CNTNAP5: variants seen among roughly 807,000 people sequenced by gnomAD.
CNTNAP5 encodes contactin associated protein family member 5.
Under a neutral mutation model 150.2 loss-of-function variants are expected in CNTNAP5, and 72 were observed. That is an observed-to-expected ratio of 0.48 (90% CI 0.40 to 0.58). The LOEUF is 0.58. Among genes scored for constraint, CNTNAP5 ranks in the 20% least tolerant of loss-of-function variants. CNTNAP5 has a pLI of 0.00. For synonymous variants in CNTNAP5, 672 were observed against 619.8 expected (o/e 1.08, Z -1.25); for missense variants, 1,636 against 1,626.2 (o/e 1.01, Z -0.10).
At chr2:124,754,022 A>G (rs1207080728) in intron 14 of CNTNAP5, among the ~76,000 whole-genome samples, 1 of 152,138 alleles carries the variant, frequency 6.6e-6, no homozygotes, top group Non-Finnish European at 1.5e-5. Context: ...TGAGATGCAG[A>G]ATGAGATGAT....
intron 11 of CNTNAP5, among the ~76,000 whole-genome samples, chr2:124,575,997 T>A (rs926102348): frequency 6.6e-6 from 1 of 152,190 alleles, no homozygotes; most frequent in African/African-American, 2.4e-5. Flanking sequence ...ATCCTGCTTT[T>A]TATTTAAAGA....
intron 4 of CNTNAP5, among the ~76,000 whole-genome samples, chr2:124,433,648 A>C (rs188140809): frequency 1.5e-3 from 221 of 152,226 alleles, no homozygotes; most frequent in African/African-American, 5.2e-3. Flanking sequence ...ACAGTCTTAC[A>C]TGTTTTTCTA....
chr2:124,504,618 C>G, intron 8 of CNTNAP5, 62 bp downstream of exon 8: 1 of 1,529,850 alleles, frequency 6.5e-7, no homozygotes, highest in Non-Finnish European at 8.9e-7. Flanking sequence ...AGGTTGAGGT[C>G]CTGACAAAAA....
rs563514156 is a variant in CNTNAP5 at position 124,299,657 on chromosome 2, G to A, written c.381+57264G>A. Among the ~76,000 whole-genome samples, 51 of 152,236 alleles carry A rather than the reference G, an allele frequency of 3.4e-4. No homozygotes were observed. In the Middle Eastern group the frequency reaches 0.014, roughly 41 times the overall value. On this transcript the variant is annotated intron_variant, in intron 3 of 23. Coordinates refer to ENST00000682447, the MANE Select transcript of CNTNAP5 (RefSeq NM_001367498.1). Reference sequence around the variant, plus strand: ...AGTGCTGCAATGAACATGTGCGTGCGTGTGTGTAGAAGCACTTGATTTCAA... The same window carrying A: ...AGTGCTGCAATGAACATGTGCGTGCATGTGTGTAGAAGCACTTGATTTCAA...
chr2:124,699,895 G>T (rs1679484519), intron 13 of CNTNAP5, among the ~76,000 whole-genome samples: 1 of 149,970 alleles, frequency 6.7e-6, no homozygotes, highest in Admixed American at 6.7e-5. Flanking sequence ...TAAAGTGTTT[G>T]TTTCAGTGGT....
chr2:124,264,868 G>A (rs771147737), intron 3 of CNTNAP5, among the ~76,000 whole-genome samples: 9 of 152,210 alleles, frequency 5.9e-5, no homozygotes, highest in Non-Finnish European at 1.0e-4. Flanking sequence ...TGTGAAGTGT[G>A]TGCATGGGCA....
chr2:124,236,157 G>T (rs1686741720), intron 2 of CNTNAP5, among the ~76,000 whole-genome samples: 1 of 151,958 alleles, frequency 6.6e-6, no homozygotes, highest in South Asian at 2.1e-4. Flanking sequence ...GTAGAGACGG[G>T]GTTTCACCAT....
At chr2:124,342,254 G>A (rs904728225) in intron 3 of CNTNAP5, among the ~76,000 whole-genome samples, 1 of 151,986 alleles carries the variant, frequency 6.6e-6, no homozygotes, top group Non-Finnish European at 1.5e-5. Context: ...CTCAAATTAG[G>A]CTTTTAAAAG....
chr2:124,114,475 T>C (rs527923265), intron 1 of CNTNAP5, among the ~76,000 whole-genome samples: 74 of 152,156 alleles, frequency 4.9e-4, no homozygotes, highest in Middle Eastern at 3.4e-3. Context: ...TTGACCTTGA[T>C]TCATCAGCCT....
At chr2:124,200,999 T>G (rs1026658785) in intron 1 of CNTNAP5, among the ~76,000 whole-genome samples, 1 of 152,226 alleles carries the variant, frequency 6.6e-6, no homozygotes, top group African/African-American at 2.4e-5. Flanking sequence ...GGGATCTGTT[T>G]CACCCTAAGG....
chr2:124,600,731 C>CAGAGAGAGAGAGAGAGAG (rs374118230), intron 11 of CNTNAP5, among the ~76,000 whole-genome samples: 162 of 124,072 alleles, frequency 1.3e-3, no homozygotes, highest in Non-Finnish European at 2.0e-3. Flanking sequence ...CAACAATACT[C>CAGAGAGAGAGAGAGAGAG]AGAGAGAGAG....
At chr2:124,440,766 C>T (rs1182501841) in intron 5 of CNTNAP5, among the ~76,000 whole-genome samples, 5 of 151,968 alleles carry the variant, frequency 3.3e-5, no homozygotes, top group Non-Finnish European at 7.4e-5. Context: ...ATAATTATTT[C>T]CCTTATCTAT....
chr2:124,355,838 AG>A (rs1689985127), intron 3 of CNTNAP5, among the ~76,000 whole-genome samples: 1 of 152,218 alleles, frequency 6.6e-6, no homozygotes, highest in African/African-American at 2.4e-5. Flanking sequence ...TTGAAGAGGA[AG>A]GAGGCCATTT....
At chr2:124,755,169 GAAAACAAAACATAGCT>G (rs1680812971) in intron 14 of CNTNAP5, among the ~76,000 whole-genome samples, 1 of 151,436 alleles carries the variant, frequency 6.6e-6, no homozygotes, top group Admixed American at 6.6e-5. Flanking sequence ...ATGAGTTCTG[GAAAACAAAACATAGCT>G]ATGAAATACT....
chr2:124,447,494 A>G (rs1345167473), intron 6 of CNTNAP5, among the ~76,000 whole-genome samples: 1 of 152,136 alleles, frequency 6.6e-6, no homozygotes, highest in Non-Finnish European at 1.5e-5. Flanking sequence ...GGCAGCCAAG[A>G]GTTTGCCAGC....
At chr2:124,335,487 C>A (rs1689448140) in intron 3 of CNTNAP5, among the ~76,000 whole-genome samples, 1 of 151,082 alleles carries the variant, frequency 6.6e-6, no homozygotes, top group Non-Finnish European at 1.5e-5. Context: ...ACTTTATACA[C>A]CAAAGTTCTT....
At chr2:124,217,677 G>A (rs1195238223) in intron 1 of CNTNAP5, among the ~76,000 whole-genome samples, 2 of 151,968 alleles carry the variant, frequency 1.3e-5, no homozygotes, top group East Asian at 3.9e-4. Context: ...CCAATTTGTG[G>A]GCAAGTTTTG....
At chr2:124,508,087 A>T (rs1312722245) in intron 8 of CNTNAP5, among the ~76,000 whole-genome samples, 1 of 116,634 alleles carries the variant, frequency 8.6e-6, no homozygotes, top group Non-Finnish European at 1.9e-5. Context: ...ATCACAAGAG[A>T]TAAAAAAAAA....
At chr2:124,253,297 T>C (rs1687231627) in intron 3 of CNTNAP5, among the ~76,000 whole-genome samples, 1 of 152,118 alleles carries the variant, frequency 6.6e-6, no homozygotes, top group Admixed American at 6.5e-5. Context: ...TACTTTTGTA[T>C]ATATATTTAA....
Sources: gnomAD v4.1 joint callset for allele counts (sites outside exome capture counted in the v4.1 genomes callset) on GRCh38, gnomAD v4.1.1 for gene constraint, MANE v1.5 for transcripts, NCBI Gene and HGNC (gene_info 2026-07-23, HGNC 2026-07-21) for gene names.